Variants in PHTF2 observed in about 807,000 individuals in gnomAD.
PHTF2 encodes the protein protein PHTF2.
Under a neutral mutation model 101.2 loss-of-function variants are expected in PHTF2, and 60 were observed. The ratio of observed to expected loss-of-function variants is 0.59; its 90% confidence interval spans 0.48 to 0.73. The LOEUF is 0.73. Ranked by LOEUF, PHTF2 falls within the 30% of genes least tolerant of loss-of-function variation. The probability of loss-of-function intolerance (pLI) is 0.00; values close to 1 mark genes in which losing one functional copy is unlikely to be tolerated. For synonymous variants in PHTF2, 311 were observed against 307.3 expected (o/e 1.01, Z -0.13); for missense variants, 747 against 908.7 (o/e 0.82, Z 2.29).
rs1321950645 is a variant in PHTF2 at position 77,923,581 on chromosome 7, GGTTTT to G, written c.1119+808_1119+812del. On this transcript the variant is annotated intron_variant, in intron 11 of 19. Transcript: ENST00000416283. ...TCTGGTTAATCTTTCTGGTGATTGT[GGTTTT>G]GTTTCTTTTCCCAGTGGTTGCCATA... 6 of 985,232 alleles carry G rather than the reference GGTTTT, an allele frequency of 6.1e-6. No homozygotes were observed. In the Admixed American group the frequency reaches 3.1e-4, roughly 51 times the overall value. The allele number at this position is 985,232 out of a possible 1,614,324, so 61.0% of individuals were successfully genotyped here.
intron 16 of PHTF2, among the ~76,000 whole-genome samples, chr7:77,944,931 CAT>C (rs2150983637): frequency 6.6e-6 from 1 of 152,252 alleles, no homozygotes; most frequent in East Asian, 1.9e-4. Context: ...AAGCTAAAGA[CAT>C]AGTGAACTGG....
chr7:77,904,224 C>A (rs1733532784), intron 7 of PHTF2, among the ~76,000 whole-genome samples: 1 of 152,196 alleles, frequency 6.6e-6, no homozygotes, highest in African/African-American at 2.4e-5. Context: ...TTTGCTGTTT[C>A]TTAAACATTC....
At chr7:77,888,392 G>A (rs1208252931) in intron 3 of PHTF2, among the ~76,000 whole-genome samples, 3 of 152,130 alleles carry the variant, frequency 2.0e-5, no homozygotes, top group Non-Finnish European at 4.4e-5. Flanking sequence ...CTGGGATTAC[G>A]GGCATGAGCC....
At chr7:77,851,043 T>C (rs137912177) in intron 2 of PHTF2, among the ~76,000 whole-genome samples, 7 of 152,286 alleles carry the variant, frequency 4.6e-5, no homozygotes, top group Non-Finnish European at 1.0e-4. Context: ...TTTTTGTCTT[T>C]ATCAGGGATA....
intron 1 of PHTF2, among the ~76,000 whole-genome samples, chr7:77,831,522 G>A (rs1319248308): frequency 1.3e-5 from 2 of 152,208 alleles, no homozygotes; most frequent in Non-Finnish European, 1.5e-5. Flanking sequence ...GGATTAATGA[G>A]TCACCATGGT....
chr7:77,841,698 G>A (rs1373636792), intron 2 of PHTF2, among the ~76,000 whole-genome samples: 1 of 152,110 alleles, frequency 6.6e-6, no homozygotes, highest in Non-Finnish European at 1.5e-5. Flanking sequence ...TACTTTATTG[G>A]AAGTATTGAT....
intron 3 of PHTF2, among the ~76,000 whole-genome samples, chr7:77,888,595 T>C (rs1800083428): frequency 6.6e-6 from 1 of 152,224 alleles, no homozygotes; most frequent in Non-Finnish European, 1.5e-5. Context: ...TATTTCTCAA[T>C]TGAAGACATA....
At chr7:77,942,831 A>T (rs569128534) in intron 16 of PHTF2, 45 bp downstream of exon 15, 19 of 858,764 alleles carry the variant, frequency 2.2e-5, no homozygotes, top group East Asian at 1.9e-4. Context: ...ATATATAAAT[A>T]TTAACTTTCA....
intron 16 of PHTF2, among the ~76,000 whole-genome samples, chr7:77,944,505 A>G (rs376261956): frequency 4.6e-5 from 7 of 152,228 alleles, no homozygotes; most frequent in African/African-American, 1.7e-4. Context: ...TGTAACCCTC[A>G]TGTCAAAAAG....
At chr7:77,892,548 G>T (rs1387176094) in intron 3 of PHTF2, among the ~76,000 whole-genome samples, 1 of 152,122 alleles carries the variant, frequency 6.6e-6, no homozygotes, top group Non-Finnish European at 1.5e-5. Flanking sequence ...TCTCTTAAGT[G>T]TAGTTATCTG....
exon 19 of PHTF2, chr7:77,953,798 G>T: frequency 6.2e-7 from 1 of 1,613,204 alleles, no homozygotes; most frequent in Non-Finnish European, 8.5e-7. Context: ...GATTATATGG[G>T]CTTACAATGA....
Position 77,927,177 on chromosome 7 carries a change from A to AAAT in PHTF2, c.1120-1931_1120-1930insATA, listed in dbSNP as rs1554388762. Among the ~76,000 whole-genome samples the AAAT allele has an allele frequency of 3.2e-3, 249 of 78,128 alleles. 4 individuals are homozygous for AAAT. The highest frequency in any genetic ancestry group is 7.4e-3 in the South Asian group (18 of 2,438). 51.3% of individuals were successfully genotyped at this position (78,128 alleles called of 152,430 possible). ...CATCTCAAAAAAAAAAAAAAAAAAA[A>AAAT]ATATATATATATATATATACATACA... On this transcript the variant is annotated intron_variant, in intron 11 of 19. Coordinates refer to ENST00000416283, the Ensembl canonical transcript of PHTF2.
intron 1 of PHTF2, among the ~76,000 whole-genome samples, chr7:77,837,709 A>T (rs979904509): frequency 6.6e-6 from 1 of 152,204 alleles, no homozygotes; most frequent in Non-Finnish European, 1.5e-5. Context: ...ATCTAAGTGT[A>T]GCTTGGTAAA....
intron 4 of PHTF2, 70 bp from the exon 4 acceptor site, chr7:77,893,912 C>T (rs375667532): frequency 2.2e-4 from 236 of 1,084,154 alleles, no homozygotes; most frequent in Middle Eastern, 7.9e-4. Flanking sequence ...GCTTTTTTCC[C>T]CTTTCACTTG....
At chr7:77,851,855 A>G (rs1796788874) in intron 2 of PHTF2, among the ~76,000 whole-genome samples, 1 of 152,186 alleles carries the variant, frequency 6.6e-6, no homozygotes, top group Admixed American at 6.5e-5. Flanking sequence ...AAAGAGGATT[A>G]AACTTTCCTC....
intron 3 of PHTF2, among the ~76,000 whole-genome samples, chr7:77,887,069 C>T (rs1040141634): frequency 6.7e-6 from 1 of 150,306 alleles, no homozygotes; most frequent in African/African-American, 2.4e-5. Flanking sequence ...AAAAGTGATA[C>T]AGTAACAATG....
intron 9 of PHTF2, among the ~76,000 whole-genome samples, chr7:77,914,357 A>G (rs1305360265): frequency 6.6e-6 from 1 of 152,238 alleles, no homozygotes; most frequent in Non-Finnish European, 1.5e-5. Flanking sequence ...CAAGAAGAGT[A>G]GTTCTCAGAA....
At chr7:77,919,115 C>T (rs544097868) in intron 9 of PHTF2, among the ~76,000 whole-genome samples, 2 of 152,080 alleles carry the variant, frequency 1.3e-5, no homozygotes, top group Non-Finnish European at 2.9e-5. Flanking sequence ...TACTCTAGTG[C>T]GAGCTTTGCT....
chr7:77,956,085 AT>A (rs1773244103), exon 20 of PHTF2: 1 of 152,550 alleles, frequency 6.6e-6, no homozygotes, highest in Non-Finnish European at 1.5e-5. Context: ...TTGGGCCTTG[AT>A]TTTAAGTTGT....
Sources: gnomAD v4.1 joint callset for allele counts (sites outside exome capture counted in the v4.1 genomes callset) on GRCh38, gnomAD v4.1.1 for gene constraint, MANE v1.5 for transcripts, NCBI Gene and HGNC (gene_info 2026-07-23, HGNC 2026-07-21) for gene names.